The following VAV3 variants were observed in gnomAD, a reference collection of about 807,000 sequenced individuals.
The protein encoded by VAV3 is guanine nucleotide exchange factor VAV3.
In VAV3, 94 loss-of-function variants were observed where a neutral mutation model predicts 131.2. The observed-to-expected ratio is 0.72, with a 90% confidence interval of 0.61 to 0.85. VAV3 has a LOEUF of 0.85. VAV3 is among the 40% of genes least tolerant of loss of function. VAV3 has a pLI of 0.00. For synonymous variants in VAV3, 349 were observed against 342.0 expected (o/e 1.02, Z -0.22); for missense variants, 939 against 1,002.7 (o/e 0.94, Z 0.86).
At chr1:107,791,367 GT>G (rs1031142478) in intron 2 of VAV3, among the ~76,000 whole-genome samples, 6 of 87,830 alleles carry the variant, frequency 6.8e-5, no homozygotes, top group African/African-American at 2.0e-4. Flanking sequence ...CTAAAAGGAA[GT>G]TTTTTTTGGT....
chr1:107,616,051 A>G (rs1653129688), intron 21 of VAV3, among the ~76,000 whole-genome samples: 1 of 152,230 alleles, frequency 6.6e-6, no homozygotes. Context: ...ACAATTTCTC[A>G]AGGAACTTAA....
chr1:107,640,368 AC>A (rs1424192217), intron 20 of VAV3, among the ~76,000 whole-genome samples: 1 of 152,172 alleles, frequency 6.6e-6, no homozygotes, highest in Non-Finnish European at 1.5e-5. Context: ...CATACAAAAA[AC>A]AATATATGCT....
intron 21 of VAV3, 54 bp downstream of exon 21, chr1:107,617,513 T>C (rs1353513647): frequency 1.3e-6 from 2 of 1,523,462 alleles, no homozygotes; most frequent in Non-Finnish European, 1.8e-6. Flanking sequence ...GCACAATTAA[T>C]CACAGGATCA....
At chr1:107,825,151 G>A (rs572781895) in intron 2 of VAV3, among the ~76,000 whole-genome samples, 18 of 152,202 alleles carry the variant, frequency 1.2e-4, no homozygotes, top group South Asian at 1.0e-3. Flanking sequence ...CTATATGGCC[G>A]AACAAGCCTA....
At chr1:107,723,847 T>C (rs1038099942) in intron 15 of VAV3, among the ~76,000 whole-genome samples, 4 of 152,152 alleles carry the variant, frequency 2.6e-5, no homozygotes, top group Non-Finnish European at 5.9e-5. Flanking sequence ...GGAGCTGACA[T>C]AAAGGTTACA....
intron 15 of VAV3, among the ~76,000 whole-genome samples, chr1:107,736,203 T>A (rs1662619002): frequency 1.3e-5 from 2 of 152,170 alleles, no homozygotes; most frequent in Non-Finnish European, 2.9e-5. Context: ...TGATGGAACG[T>A]ATCTCAAAAT....
At chr1:107,573,493 G>A (rs1308132804) in intron 26 of VAV3, 121 bp from the exon 27 acceptor site, 2 of 1,159,446 alleles carry the variant, frequency 1.7e-6, no homozygotes, top group African/African-American at 3.1e-5. Flanking sequence ...TATGTCCATT[G>A]TAGGTGAGAA....
At chr1:107,910,986 TAAAAGAAAAAA>T (rs1042131944) in intron 1 of VAV3, among the ~76,000 whole-genome samples, 14 of 148,106 alleles carry the variant, frequency 9.5e-5, no homozygotes, top group African/African-American at 3.0e-4. Flanking sequence ...TCAGTCTCAT[TAAAAGAAAAAA>T]AAAAGAAAAA....
At chr1:107,691,839 C>T (rs17539866) in intron 17 of VAV3, among the ~76,000 whole-genome samples, 14,960 of 152,060 alleles carry the variant, frequency 0.098, 810 homozygotes, top group Non-Finnish European at 0.13. Context: ...ATCTTTAATG[C>T]CAGCACAGAG....
chr1:107,737,156 A>T (rs1349398187), intron 15 of VAV3, among the ~76,000 whole-genome samples: 1 of 152,352 alleles, frequency 6.6e-6, no homozygotes, highest in East Asian at 1.9e-4. Flanking sequence ...AGCCATATGT[A>T]GAAAGCTGAA....
intron 2 of VAV3, among the ~76,000 whole-genome samples, chr1:107,830,044 A>C (rs1005033826): frequency 2.0e-5 from 3 of 152,206 alleles, no homozygotes; most frequent in Non-Finnish European, 4.4e-5. Flanking sequence ...CCAAAGATTT[A>C]GATTCCCCTT....
At chr1:107,885,485 G>A (rs1317034556) in intron 1 of VAV3, among the ~76,000 whole-genome samples, 1 of 151,874 alleles carries the variant, frequency 6.6e-6, no homozygotes, top group Non-Finnish European at 1.5e-5. Context: ...AATTCCCCAG[G>A]AGTAAATTGA....
chr1:107,840,309 C>T (rs988038346), intron 2 of VAV3, among the ~76,000 whole-genome samples: 1 of 152,058 alleles, frequency 6.6e-6, no homozygotes, highest in African/African-American at 2.4e-5. Flanking sequence ...GCATTTAGGT[C>T]ACTTTTTACT....
intron 19 of VAV3, among the ~76,000 whole-genome samples, chr1:107,648,775 T>C (rs890498195): frequency 6.6e-6 from 1 of 152,066 alleles, no homozygotes; most frequent in Non-Finnish European, 1.5e-5. Flanking sequence ...ATCCAATTTA[T>C]AGACTCTTAG....
intron 2 of VAV3, among the ~76,000 whole-genome samples, chr1:107,781,982 G>A (rs1277855971): frequency 6.6e-6 from 1 of 152,154 alleles, no homozygotes; most frequent in Non-Finnish European, 1.5e-5. Flanking sequence ...TAACTTTGGG[G>A]AGGTTCTGGA....
chr1:107,940,435 C>G (rs1363435922), intron 1 of VAV3, among the ~76,000 whole-genome samples: 1 of 152,142 alleles, frequency 6.6e-6, no homozygotes, highest in Non-Finnish European at 1.5e-5. Flanking sequence ...GTAATTGCTT[C>G]CAAAGACAAC....
At chr1:107,892,146 T>C (rs1007466419) in intron 1 of VAV3, among the ~76,000 whole-genome samples, 1 of 152,198 alleles carries the variant, frequency 6.6e-6, no homozygotes, top group African/African-American at 2.4e-5. Context: ...TAATGGCATG[T>C]CATTGTTAGC....
At chr1:107,652,521 G>A (rs1656247274) in intron 19 of VAV3, among the ~76,000 whole-genome samples, 1 of 151,998 alleles carries the variant, frequency 6.6e-6, no homozygotes, top group African/African-American at 2.4e-5. Context: ...GTCTGGATTG[G>A]GACCCCTTTC....
intron 15 of VAV3, among the ~76,000 whole-genome samples, chr1:107,707,746 C>T (rs1326954967): frequency 6.6e-6 from 1 of 152,176 alleles, no homozygotes; most frequent in African/African-American, 2.4e-5. Context: ...CTCTTCAGTT[C>T]ACACTGAAGT....
Sources: gnomAD v4.1 joint callset for allele counts (sites outside exome capture counted in the v4.1 genomes callset) on GRCh38, gnomAD v4.1.1 for gene constraint, MANE v1.5 for transcripts, NCBI Gene and HGNC (gene_info 2026-07-23, HGNC 2026-07-21) for gene names.